Variants in NTM observed in about 807,000 individuals in gnomAD.
NTM encodes the protein neurotrimin.
In NTM, 13 loss-of-function variants were observed where a neutral mutation model predicts 42.1. The ratio of observed to expected loss-of-function variants is 0.31; its 90% CI spans 0.20 to 0.49. NTM has a LOEUF of 0.49. NTM is among the 20% of genes least tolerant of loss of function. The pLI is 0.99. For synonymous variants in NTM, 187 were observed against 179.2 expected (o/e 1.04, Z -0.35); for missense variants, 373 against 452.8 (o/e 0.82, Z 1.60).
intron 1 of NTM, among the ~76,000 whole-genome samples, chr11:131,797,724 A>G (rs6590597): frequency 0.79 from 120,987 of 152,186 alleles, 48,858 homozygotes; most frequent in African/African-American, 0.91. Context: ...TATATTTGCT[A>G]GAAAATAACA....
intron 4 of NTM, among the ~76,000 whole-genome samples, chr11:132,262,027 C>T (rs1379117273): frequency 6.6e-6 from 1 of 152,238 alleles, no homozygotes; most frequent in Non-Finnish European, 1.5e-5. Flanking sequence ...CCCATCCCAG[C>T]CAAGTGCAAT....
rs73595162 is a variant in NTM, at chr11:131,806,760, G to C, written c.83-104804G>C. On this transcript the variant is annotated intron_variant, in intron 1 of 8. Transcript: ENST00000683400. The stretch of plus-strand genomic sequence containing the variant: ...AGATGACACACACTCTCTGATATTA[G>C]AAAAACCAGTCCAATTCAACTGATA... Among the ~76,000 whole-genome samples, 644 of 152,110 alleles carry C rather than the reference G, an allele frequency of 4.2e-3. 7 individuals are homozygous for C. The highest frequency in any genetic ancestry group is 0.015 in the African/African-American group (618 of 41,464).
At chr11:131,693,659 T>G (rs935460221) in intron 1 of NTM, among the ~76,000 whole-genome samples, 3 of 152,172 alleles carry the variant, frequency 2.0e-5, no homozygotes, top group African/African-American at 7.2e-5. Context: ...TGGTTTGTCA[T>G]TTTTCCTTTG....
chr11:132,248,344 T>C (rs2091486096), intron 4 of NTM, among the ~76,000 whole-genome samples: 2 of 152,178 alleles, frequency 1.3e-5, no homozygotes, highest in African/African-American at 2.4e-5. Flanking sequence ...TCTTTTATTT[T>C]TATCCTCCTA....
At chr11:131,802,661 G>T (rs1024451532) in intron 1 of NTM, among the ~76,000 whole-genome samples, 1 of 152,146 alleles carries the variant, frequency 6.6e-6, no homozygotes, top group Non-Finnish European at 1.5e-5. Flanking sequence ...ATCAATGGTC[G>T]GTATGTGTGG....
At chr11:131,882,391 T>C (rs1357521230) in intron 1 of NTM, among the ~76,000 whole-genome samples, 1 of 152,212 alleles carries the variant, frequency 6.6e-6, no homozygotes, top group East Asian at 1.9e-4. Flanking sequence ...ACTGATTGGA[T>C]GAGGCTCACC....
intron 1 of NTM, among the ~76,000 whole-genome samples, chr11:131,747,444 G>C (rs1211174494): frequency 6.6e-6 from 1 of 152,126 alleles, no homozygotes; most frequent in African/African-American, 2.4e-5. Context: ...TGCCATTCAA[G>C]CTACCAACAT....
chr11:131,472,759 A>C (rs996623646), intron 1 of NTM, among the ~76,000 whole-genome samples: 1 of 152,276 alleles, frequency 6.6e-6, no homozygotes, highest in East Asian at 1.9e-4. Context: ...AGTATTTAGC[A>C]TACCCACTTG....
chr11:131,707,253 T>C (rs907353820), intron 1 of NTM, among the ~76,000 whole-genome samples: 4 of 152,086 alleles, frequency 2.6e-5, no homozygotes, highest in African/African-American at 9.7e-5. Context: ...GCAGTATTTG[T>C]CTTTCTTTGC....
rs760446505 is a variant in NTM at position 132,307,651 on chromosome 11, T to C, written c.527-38T>C. The C allele has an allele frequency of 1.3e-5, 21 of 1,610,274 alleles. No homozygotes were observed. The East Asian group carries it at 2.0e-4, about 15-fold the overall frequency. ...AAGTGAACATGTTTGGTCTTTTTTT[T>C]CCTTGTATTTCACCACACGTTACCG... On this transcript the variant is annotated intron_variant, in intron 4 of 8. Transcript: ENST00000683400.
At position 131,681,770 on chromosome 11, in the gene NTM, CGT is replaced by C. The variant is rs552029869; in HGVS notation, c.83-229787_83-229786del. The stretch of plus-strand genomic sequence containing the variant: ...GTGTATGTCTCCCTGTGTGTGTGAG[CGT>C]GTGTGTTTCTGTGTCTGTGTGTATG... On this transcript the variant is annotated intron_variant, in intron 1 of 8. Coordinates refer to ENST00000683400, the MANE Select transcript of NTM (RefSeq NM_001352005.2). 5.2e-5 allele frequency among the ~76,000 whole-genome samples: 5 copies of C among 95,806 alleles called. No homozygotes were observed. In the South Asian group the frequency reaches 1.1e-3, roughly 21 times the overall value. 62.9% of individuals were successfully genotyped at this position (95,806 alleles called of 152,430 possible). A position where few individuals can be genotyped will look rare whatever the true frequency, so the allele number is the denominator to read the frequency against.
intron 1 of NTM, among the ~76,000 whole-genome samples, chr11:131,575,432 G>A (rs909560972): frequency 6.6e-6 from 1 of 152,096 alleles, no homozygotes; most frequent in African/African-American, 2.4e-5. Context: ...TTATTTATAT[G>A]GCAGTACACA....
At chr11:131,824,656 AC>A (rs372478695) in intron 1 of NTM, among the ~76,000 whole-genome samples, 1 of 152,232 alleles carries the variant, frequency 6.6e-6, no homozygotes, top group African/African-American at 2.4e-5. Flanking sequence ...CAGACATTAC[AC>A]TGGTCAAAGA....
chr11:131,724,906 G>A (rs2078775295), intron 1 of NTM, among the ~76,000 whole-genome samples: 1 of 152,188 alleles, frequency 6.6e-6, no homozygotes, highest in Non-Finnish European at 1.5e-5. Context: ...AAAGGCAGCA[G>A]GCTTGGAGCT....
intron 1 of NTM, among the ~76,000 whole-genome samples, chr11:131,777,348 T>C (rs986491014): frequency 6.6e-6 from 1 of 151,890 alleles, no homozygotes; most frequent in African/African-American, 2.4e-5. Flanking sequence ...TGATTCCAAT[T>C]ATATTCATTT....
At chr11:131,933,611 A>T (rs2058875623) in intron 2 of NTM, among the ~76,000 whole-genome samples, 1 of 152,090 alleles carries the variant, frequency 6.6e-6, no homozygotes, top group South Asian at 2.1e-4. Flanking sequence ...TAGGTCTCCC[A>T]GGTTTAATCA....
At chr11:132,252,826 A>G (rs2092100613) in intron 4 of NTM, among the ~76,000 whole-genome samples, 1 of 152,166 alleles carries the variant, frequency 6.6e-6, no homozygotes, top group Non-Finnish European at 1.5e-5. Context: ...GGGAGGAAAA[A>G]TGTACCTTGG....
At chr11:132,322,178 C>A (rs368436944) in intron 7 of NTM, among the ~76,000 whole-genome samples, 9 of 151,698 alleles carry the variant, frequency 5.9e-5, no homozygotes, top group Admixed American at 3.3e-4. Flanking sequence ...ACACATAACA[C>A]TATTAACTTT....
intron 1 of NTM, among the ~76,000 whole-genome samples, chr11:131,400,483 T>G (rs985500572): frequency 3.3e-5 from 5 of 152,198 alleles, no homozygotes; most frequent in Non-Finnish European, 7.3e-5. Flanking sequence ...TTGGCTTGAA[T>G]CCTGATGCTA....
Sources: allele counts gnomAD v4.1 joint callset (sites outside exome capture counted in the v4.1 genomes callset), GRCh38; gene constraint gnomAD v4.1.1; transcripts MANE v1.5; gene names NCBI Gene and HGNC (gene_info 2026-07-23, HGNC 2026-07-21).